Variants in NOS1AP observed in about 807,000 individuals in gnomAD.
NOS1AP encodes nitric oxide synthase 1 adaptor protein.
NOS1AP carries 21 observed loss-of-function variants against 56.2 expected under a neutral mutation model. The ratio of observed to expected loss-of-function variants is 0.37; its 90% CI spans 0.26 to 0.54. NOS1AP has a LOEUF of 0.54. NOS1AP is among the 20% of genes least tolerant of loss of function. The pLI is 0.84. For synonymous variants in NOS1AP, 270 were observed against 274.6 expected (o/e 0.98, Z 0.17); for missense variants, 522 against 657.8 (o/e 0.79, Z 2.26).
chr1:162,113,319 C>A (rs564092983), intron 1 of NOS1AP, among the ~76,000 whole-genome samples: 1 of 152,274 alleles, frequency 6.6e-6, no homozygotes, highest in Non-Finnish European at 1.5e-5. Flanking sequence ...GACGTCCACA[C>A]CTCAAGCCTG....
chr1:162,345,152 TC>T (rs67307417), intron 6 of NOS1AP, among the ~76,000 whole-genome samples: 55,696 of 150,206 alleles, frequency 0.37, 10,682 homozygotes, highest in East Asian at 0.61. Context: ...AGATTTCTTT[TC>T]TTTTTTTCTT....
At chr1:162,225,360 A>G (rs867655421) in intron 2 of NOS1AP, among the ~76,000 whole-genome samples, 12 of 151,940 alleles carry the variant, frequency 7.9e-5, no homozygotes, top group Middle Eastern at 3.2e-3. Context: ...AGACCAGGAC[A>G]CCCTCCACCA....
chr1:162,070,069 G>A lies in NOS1AP; in HGVS notation c.-109G>A, dbSNP rs1177803513. ...GGGCTCCCCCTGCCCAGCGCTCCCA[G>A]GCCCCGCCACGCGTCGCCGCGCCCA... On this transcript the variant is annotated 5_prime_UTR_variant, in exon 1 of 10. Coordinates refer to ENST00000361897, the MANE Select transcript of NOS1AP (RefSeq NM_014697.3). 4 of 859,806 alleles carry A rather than the reference G, an allele frequency of 4.7e-6. No homozygotes were observed. Among genetic ancestry groups the A allele is most frequent in the South Asian group, 4.6e-5 (3 of 65,462 alleles). 53.3% of individuals were successfully genotyped at this position (859,806 alleles called of 1,614,324 possible). A position where few individuals can be genotyped will look rare whatever the true frequency, so the allele number is the denominator to read the frequency against.
intron 1 of NOS1AP, among the ~76,000 whole-genome samples, chr1:162,140,582 A>G (rs1558118472): frequency 1.3e-5 from 2 of 152,118 alleles, no homozygotes; most frequent in East Asian, 3.9e-4. Flanking sequence ...TGCCTTTGCT[A>G]TTGTGAATAA....
intron 2 of NOS1AP, among the ~76,000 whole-genome samples, chr1:162,170,655 G>C (rs1313964788): frequency 6.6e-6 from 1 of 152,112 alleles, no homozygotes; most frequent in African/African-American, 2.4e-5. Context: ...GGCCAGGCGC[G>C]GTGGCTCACG....
chr1:162,236,908 A>G (rs1335905253), intron 2 of NOS1AP, among the ~76,000 whole-genome samples: 4 of 152,170 alleles, frequency 2.6e-5, no homozygotes, highest in Admixed American at 2.6e-4. Flanking sequence ...CTAAATTGCT[A>G]GTTACTTGAG....
At chr1:162,348,361 G>A (rs1657371452) in intron 6 of NOS1AP, among the ~76,000 whole-genome samples, 1 of 152,188 alleles carries the variant, frequency 6.6e-6, no homozygotes, top group Non-Finnish European at 1.5e-5. Context: ...GTATTGATGA[G>A]AAGGTGGTGA....
chr1:162,337,313 T>C (rs1656972182), intron 5 of NOS1AP, among the ~76,000 whole-genome samples: 1 of 152,254 alleles, frequency 6.6e-6, no homozygotes. Context: ...CCTCCTATAA[T>C]GCTGTCACTA....
chr1:162,070,416 G>T, intron 1 of NOS1AP, 134 bp downstream of exon 1: 1 of 708,642 alleles, frequency 1.4e-6, no homozygotes, highest in East Asian at 2.8e-5. Flanking sequence ...CTTAGGGAGG[G>T]TAACTCTCCC....
intron 2 of NOS1AP, among the ~76,000 whole-genome samples, chr1:162,262,746 G>A (rs1363934760): frequency 6.6e-6 from 1 of 152,158 alleles, no homozygotes. Context: ...TAAGTGCAAA[G>A]CATTGCTAAA....
intron 4 of NOS1AP, among the ~76,000 whole-genome samples, chr1:162,310,034 T>C (rs1272825274): frequency 6.6e-6 from 1 of 152,136 alleles, no homozygotes; most frequent in Non-Finnish European, 1.5e-5. Flanking sequence ...AAGATACCTC[T>C]CCAAAGTCCA....
At chr1:162,237,185 A>C (rs1022980442) in intron 2 of NOS1AP, among the ~76,000 whole-genome samples, 3 of 152,338 alleles carry the variant, frequency 2.0e-5, no homozygotes, top group African/African-American at 4.8e-5. Flanking sequence ...AAGATCCCTC[A>C]GGTTAGACCC....
At chr1:162,149,883 C>T (rs1649638978) in intron 1 of NOS1AP, among the ~76,000 whole-genome samples, 1 of 152,156 alleles carries the variant, frequency 6.6e-6, no homozygotes, top group Admixed American at 6.5e-5. Context: ...TATGGGGGCA[C>T]ATGAGATATT....
At chr1:162,295,168 G>A (rs1351011702) in intron 3 of NOS1AP, among the ~76,000 whole-genome samples, 1 of 152,114 alleles carries the variant, frequency 6.6e-6, no homozygotes, top group Non-Finnish European at 1.5e-5. Flanking sequence ...AGAGGTGTGT[G>A]TCCCCTCCTT....
intron 3 of NOS1AP, among the ~76,000 whole-genome samples, chr1:162,297,866 G>A (rs1655520932): frequency 6.6e-6 from 1 of 152,160 alleles, no homozygotes; most frequent in East Asian, 1.9e-4. Context: ...AGAGAGGGCA[G>A]CCTGGCTAGG....
intron 2 of NOS1AP, among the ~76,000 whole-genome samples, chr1:162,272,085 T>A (rs2101719689): frequency 6.6e-6 from 1 of 152,226 alleles, no homozygotes; most frequent in South Asian, 2.1e-4. Flanking sequence ...ACTCCTGGCC[T>A]CAGGCAATCC....
chr1:162,325,420 A>C (rs1656552902), intron 4 of NOS1AP, among the ~76,000 whole-genome samples: 1 of 152,140 alleles, frequency 6.6e-6, no homozygotes, highest in Admixed American at 6.5e-5. Flanking sequence ...GGATAGGAGT[A>C]AGGGGTGCAT....
chr1:162,248,555 G>C (rs905600440), intron 2 of NOS1AP, among the ~76,000 whole-genome samples: 2 of 152,160 alleles, frequency 1.3e-5, no homozygotes, highest in African/African-American at 2.4e-5. Flanking sequence ...CCTGAAAAAA[G>C]TTTGCAGCAG....
chr1:162,321,431 G>A (rs1322952207), intron 4 of NOS1AP, among the ~76,000 whole-genome samples: 4 of 152,036 alleles, frequency 2.6e-5, no homozygotes, highest in African/African-American at 7.3e-5. Context: ...GACATGGATG[G>A]AGCTGGAAAC....
Sources: gnomAD v4.1 joint callset for allele counts (sites outside exome capture counted in the v4.1 genomes callset) on GRCh38, gnomAD v4.1.1 for gene constraint, MANE v1.5 for transcripts, NCBI Gene and HGNC (gene_info 2026-07-23, HGNC 2026-07-21) for gene names.